SZRD1: variants seen among roughly 807,000 people sequenced by gnomAD.
SZRD1 encodes the protein SUZ RNA binding domain containing 1.
A neutral mutation model predicts 17.6 loss-of-function variants in SZRD1; 7 were observed. The observed-to-expected ratio is 0.40, with a 90% confidence interval of 0.23 to 0.75. The LOEUF (loss-of-function observed/expected upper bound fraction) is 0.75, where lower values mean the gene tolerates loss of function less well. Ranked by LOEUF, SZRD1 falls within the 30% of genes least tolerant of loss-of-function variation. SZRD1 has a pLI of 0.38. For missense variants in SZRD1, 178 were observed against 201.8 expected, an observed-to-expected ratio of 0.88 and a Z score of 0.71; for synonymous variants, 77 against 77.9, an observed-to-expected ratio of 0.99 and a Z score of 0.06.
chr1:16,379,564 A>T (rs947222838), intron 1 of SZRD1, among the ~76,000 whole-genome samples: 1 of 152,194 alleles, frequency 6.6e-6, no homozygotes, highest in Non-Finnish European at 1.5e-5. Flanking sequence ...TTGCCAAGAA[A>T]TGCCTAAGGC....
chr1:16,379,905 C>T (rs986246846), intron 1 of SZRD1, among the ~76,000 whole-genome samples: 11 of 151,726 alleles, frequency 7.2e-5, no homozygotes, highest in Admixed American at 2.6e-4. Flanking sequence ...GGATTACAGG[C>T]GCCAGCCACC....
In SZRD1 at chr1:16,391,620, C is replaced by G. The variant is rs1557631294; in HGVS notation, c.101+196C>G. On this transcript the variant is annotated intron_variant, in intron 2 of 3. Coordinates refer to ENST00000401088, the MANE Select transcript of SZRD1 (RefSeq NM_001114600.3). This position sits in a 1 kb window ranked among gnomAD's most constrained non-coding sequence, Gnocchi z 4.3. Reference sequence around the variant, plus strand: ...TAGGGTTGAGGCTGGGGTGTTGCACCTGCCTCTGACCTTCGTGGGCTCCCT... The same window carrying G: ...TAGGGTTGAGGCTGGGGTGTTGCACGTGCCTCTGACCTTCGTGGGCTCCCT... 6.6e-6 allele frequency among the ~76,000 whole-genome samples: 1 copy of G among 152,142 alleles called. No homozygotes were observed. Among genetic ancestry groups the G allele is most frequent in the Non-Finnish European group, 1.5e-5 (1 of 68,040 alleles).
At position 16,393,637 on chromosome 1, in the gene SZRD1, T is replaced by A. The variant is rs1215716703; in HGVS notation, c.356+155T>A. 6.6e-6 allele frequency among the ~76,000 whole-genome samples: 1 copy of A among 152,206 alleles called. No homozygotes were observed. Among genetic ancestry groups the A allele is most frequent in the Non-Finnish European group, 1.5e-5 (1 of 68,038 alleles). On this transcript the variant is annotated intron_variant, in intron 3 of 3. Transcript: ENST00000401088. The surrounding 1 kb of genome is among the most constrained non-coding windows in gnomAD (Gnocchi z 5.6). ...GCTGATCCCAGCCTGCTGGCACTAGTTCACTGTGCCGCATTGGCTGGAGAG... is the reference window on the plus strand; with the variant it reads ...GCTGATCCCAGCCTGCTGGCACTAGATCACTGTGCCGCATTGGCTGGAGAG...
In SZRD1 at chr1:16,397,319, G is replaced by A. The variant is rs1570064148; in HGVS notation, c.*2179G>A. On this transcript the variant is annotated 3_prime_UTR_variant, in exon 4 of 4. Transcript: ENST00000401088. This position sits in a 1 kb window ranked among gnomAD's most constrained non-coding sequence, Gnocchi z 5.4. ...TCATGCCCTGGGCTTCCCAAATGGA[G>A]AGGTAGCAGGCAACGTTTTTAAAAA... The A allele has an allele frequency of 6.6e-6, 1 of 152,290 alleles. No homozygotes were observed. The highest frequency in any genetic ancestry group is 2.1e-4 in the South Asian group (1 of 4,836). The allele number at this position is 152,290 out of a possible 1,614,324, so 9.4% of individuals were successfully genotyped here. A position where few individuals can be genotyped will look rare whatever the true frequency, so the allele number is the denominator to read the frequency against.
At position 16,367,398 on chromosome 1, in the gene SZRD1, C is replaced by T. The variant is rs1035867860; in HGVS notation, c.51+90C>T. The T allele has an allele frequency of 1.8e-5, 23 of 1,274,088 alleles. No individual in the cohort carries two copies. The African/African-American group carries it at 2.8e-4, about 16-fold the overall frequency. 78.9% of individuals were successfully genotyped at this position (1,274,088 alleles called of 1,614,324 possible). A position where few individuals can be genotyped will look rare whatever the true frequency, so the allele number is the denominator to read the frequency against. Reference sequence around the variant, plus strand: ...GAGCGGGTCTGGAGATAGTTCTCCCCAAGGAAGGGCCCCATACGCCGGGCT... The same window carrying T: ...GAGCGGGTCTGGAGATAGTTCTCCCTAAGGAAGGGCCCCATACGCCGGGCT... On this transcript the variant is annotated intron_variant, in intron 1 of 3. Coordinates refer to ENST00000401088, the MANE Select transcript of SZRD1 (RefSeq NM_001114600.3).
intron 1 of SZRD1, among the ~76,000 whole-genome samples, chr1:16,390,947 T>C (rs2085212987): frequency 6.6e-6 from 1 of 152,142 alleles, no homozygotes; most frequent in Non-Finnish European, 1.5e-5. Flanking sequence ...AAGCTTTGAC[T>C]AGGTCTGCAA....
intron 1 of SZRD1, among the ~76,000 whole-genome samples, chr1:16,373,302 G>C (rs537228326): frequency 1.3e-5 from 2 of 151,124 alleles, no homozygotes; most frequent in South Asian, 2.1e-4. Flanking sequence ...ATTTTTTGCC[G>C]GACACGATGG....
At chr1:16,380,907 C>T (rs2083089533) in intron 1 of SZRD1, among the ~76,000 whole-genome samples, 1 of 151,016 alleles carries the variant, frequency 6.6e-6, no homozygotes, top group African/African-American at 2.4e-5. Context: ...GCACCCAGCC[C>T]CTCATCTTTT....
intron 1 of SZRD1, among the ~76,000 whole-genome samples, chr1:16,376,390 C>T (rs542861138): frequency 6.6e-6 from 1 of 152,222 alleles, no homozygotes; most frequent in African/African-American, 2.4e-5. Flanking sequence ...AAGAGCCAAG[C>T]GATAATCCTG....
At chr1:16,384,885 C>T (rs61770601) in intron 1 of SZRD1, among the ~76,000 whole-genome samples, 12,758 of 152,230 alleles carry the variant, frequency 0.084, 702 homozygotes, top group Non-Finnish European at 0.12. Context: ...CTTGTGCACC[C>T]TGATTCAGGA....
chr1:16,393,123 A>C lies in SZRD1; in HGVS notation c.102-105A>C. 2.1e-6 allele frequency: 3 copies of C among 1,426,122 alleles called. No homozygotes were observed. The highest frequency in any genetic ancestry group is 2.9e-6 in the Non-Finnish European group (3 of 1,032,038). 88.3% of individuals were successfully genotyped at this position (1,426,122 alleles called of 1,614,324 possible). The stretch of plus-strand genomic sequence containing the variant: ...AGAGGCCAGAGAATCATGCATGGGT[A>C]GAATTAGGGAGGGAGAGGAAAGTGA... On this transcript the variant is annotated intron_variant, in intron 2 of 3. Transcript: ENST00000401088. The surrounding 1 kb of genome is among the most constrained non-coding windows in gnomAD (Gnocchi z 5.6).
At position 16,391,330 on chromosome 1, in the gene SZRD1, T is replaced by G; in HGVS notation, c.52-45T>G. On this transcript the variant is annotated intron_variant, in intron 1 of 3. Transcript: ENST00000401088. The surrounding 1 kb of genome is among the most constrained non-coding windows in gnomAD (Gnocchi z 4.3). ...CAAAAATAAAGACTAAGTTTTTATTTGAGAGAGATTTTTTCCTCTTTTTAT... is the reference window on the plus strand; with the variant it reads ...CAAAAATAAAGACTAAGTTTTTATTGGAGAGAGATTTTTTCCTCTTTTTAT... 1 of 1,398,098 alleles carries G rather than the reference T, an allele frequency of 7.2e-7. No homozygotes were observed. Among genetic ancestry groups the G allele is most frequent in the Non-Finnish European group, 9.9e-7 (1 of 1,010,732 alleles). 86.6% of individuals were successfully genotyped at this position (1,398,098 alleles called of 1,614,324 possible). A position where few individuals can be genotyped will look rare whatever the true frequency, so the allele number is the denominator to read the frequency against.
rs180887993 is a variant in SZRD1 at position 16,389,334 on chromosome 1, G to T, written c.52-2041G>T. Among the ~76,000 whole-genome samples the T allele has an allele frequency of 1.5e-3, 225 of 148,132 alleles. 2 individuals carry two copies. The highest frequency in any genetic ancestry group is 5.4e-3 in the African/African-American group (217 of 40,214). ...GGCTGGAGTGCAGTGGCGCCATCTC[G>T]GCTCACTGCAAGCTTCGCCTCCCGG... On this transcript the variant is annotated intron_variant, in intron 1 of 3. Coordinates refer to ENST00000401088, the MANE Select transcript of SZRD1 (RefSeq NM_001114600.3).
chr1:16,387,539 A>G, intron 1 of SZRD1: 1 of 456,710 alleles, frequency 2.2e-6, no homozygotes, highest in Non-Finnish European at 4.4e-6. Context: ...GGCCGTCATT[A>G]GGCAGGGCAA....
intron 1 of SZRD1, among the ~76,000 whole-genome samples, chr1:16,388,403 G>C (rs2085163813): frequency 6.8e-6 from 1 of 146,512 alleles, no homozygotes; most frequent in Non-Finnish European, 1.5e-5. Flanking sequence ...ACCATGCCCA[G>C]CCAAATATAT....
In SZRD1 at chr1:16,369,563, T is replaced by C. The variant is rs985266537; in HGVS notation, c.51+2255T>C. 7 of 695,430 alleles carry C rather than the reference T, an allele frequency of 1.0e-5. No homozygotes were observed. The African/African-American group carries it at 1.2e-4, about 12-fold the overall frequency. 43.1% of individuals were successfully genotyped at this position (695,430 alleles called of 1,614,324 possible). A position where few individuals can be genotyped will look rare whatever the true frequency, so the allele number is the denominator to read the frequency against. On this transcript the variant is annotated intron_variant, in intron 1 of 3. Coordinates refer to ENST00000401088, the MANE Select transcript of SZRD1 (RefSeq NM_001114600.3). ...GCGGAGGCAGAAAGCCAGAGTTCTT[T>C]CTGCTATCCCTTACTTTAGTAATAT...
chr1:16,377,313 T>G (rs1285739594), intron 1 of SZRD1, among the ~76,000 whole-genome samples: 1 of 152,020 alleles, frequency 6.6e-6, no homozygotes, highest in Non-Finnish European at 1.5e-5. Context: ...GTAGCAAGAG[T>G]GGCTTACACC....
At chr1:16,369,131 T>C (rs1270184460) in intron 1 of SZRD1, 2 of 418,450 alleles carry the variant, frequency 4.8e-6, no homozygotes, top group Admixed American at 8.1e-5. Context: ...TTATACAAAA[T>C]ATTCCAGATA....
chr1:16,372,428 G>C (rs1003439345), intron 1 of SZRD1, among the ~76,000 whole-genome samples: 2 of 152,078 alleles, frequency 1.3e-5, no homozygotes, highest in Non-Finnish European at 1.5e-5. Context: ...AGCAGAGATC[G>C]CACCACTGCA....
Sources: allele counts gnomAD v4.1 joint callset (sites outside exome capture counted in the v4.1 genomes callset), GRCh38; gene constraint gnomAD v4.1.1; non-coding constraint Gnocchi (gnomAD v3.1); transcripts MANE v1.5; gene names NCBI Gene and HGNC (gene_info 2026-07-23, HGNC 2026-07-21).